The following AKAP6 variants were observed in gnomAD, a reference collection of about 807,000 sequenced individuals.
AKAP6 encodes A-kinase anchoring protein 6, also known as A-kinase anchor protein 6.
AKAP6 carries 58 observed loss-of-function variants against 188.5 expected under a neutral mutation model. The ratio of observed to expected loss-of-function variants is 0.31; its 90% confidence interval spans 0.25 to 0.38. The LOEUF is 0.38. Ranked by LOEUF, AKAP6 falls within the 10% of genes least tolerant of loss-of-function variation. AKAP6 has a pLI of 1.00. For missense variants in AKAP6, 2,710 were observed against 2,740.0 expected (o/e 0.99, Z 0.24); for synonymous variants, 989 against 998.6 (o/e 0.99, Z 0.18).
Position 32,455,088 on chromosome 14 carries a change from C to A in AKAP6, c.324+21271C>A, listed in dbSNP as rs1046768332. Among the ~76,000 whole-genome samples the A allele has an allele frequency of 1.3e-4, 19 of 151,290 alleles. No homozygotes were observed. In the East Asian group the frequency reaches 3.5e-3, roughly 28 times the overall value. On this transcript the variant is annotated intron_variant, in intron 2 of 13. Transcript: ENST00000280979. ...TCAAGCTATCCTCCCACCTCAGCCT[C>A]CTGAGTAGCTGGGACTACAGGTGTG...
intron 3 of AKAP6, among the ~76,000 whole-genome samples, chr14:32,539,567 GA>G (rs1882830863): frequency 6.6e-6 from 1 of 152,158 alleles, no homozygotes; most frequent in African/African-American, 2.4e-5. Flanking sequence ...TTTAGATGTG[GA>G]AGAGGGAGAC....
intron 2 of AKAP6, chr14:32,495,493 C>G (rs1398252563): frequency 6.6e-6 from 1 of 152,168 alleles, no homozygotes; most frequent in African/African-American, 2.4e-5. Flanking sequence ...GAATCTCAAG[C>G]CTCTCTCCTG....
Position 32,829,071 on chromosome 14 carries a change from C to G in AKAP6, c.*43-777C>G, listed in dbSNP as rs558871266. ...TTTGAGAGCTGGTCAGGGGGACTTA[C>G]AATAGTTGCATCCTGCATTGCCTAA... On this transcript the variant is annotated intron_variant, in intron 13 of 13. Coordinates refer to ENST00000280979, the MANE Select transcript of AKAP6 (RefSeq NM_004274.5). 3.0e-4 allele frequency among the ~76,000 whole-genome samples: 45 copies of G among 152,316 alleles called. No homozygotes were observed. In the South Asian group the frequency reaches 9.1e-3, roughly 31 times the overall value.
rs1202228900 is a variant in AKAP6 at position 32,823,556 on chromosome 14, A to G, written c.5743A>G (p.Lys1915Glu). 10 of 1,613,826 alleles carry G rather than the reference A, an allele frequency of 6.2e-6. No individual in the cohort carries two copies. Among genetic ancestry groups the G allele is most frequent in the Non-Finnish European group, 7.6e-6 (9 of 1,179,904 alleles). Residue 1915 changes from lysine to glutamate, a missense_variant, in exon 13 of 14, where the codon AAG becomes GAG. Physicochemically the swap from Lys to Glu is moderately conservative, Grantham distance 56 (BLOSUM62 1). Around this residue, in one of 2 missense-constraint regions of AKAP6, gnomAD observed 2,473 missense variants for 2,426.1 expected, o/e 1.02. Coordinates refer to ENST00000280979, the MANE Select transcript of AKAP6 (RefSeq NM_004274.5). The part of the protein sequence containing the change: ...RQKGKPNVTS[K>E]VSENLGSHGK... The stretch of plus-strand genomic sequence containing the variant: ...AAAGGGAAAACCGAATGTGACTTCA[A>G]AGGTATCAGAAAATCTTGGTTCACA...
intron 7 of AKAP6, among the ~76,000 whole-genome samples, chr14:32,649,023 T>C (rs1423176615): frequency 6.6e-6 from 1 of 152,140 alleles, no homozygotes; most frequent in Non-Finnish European, 1.5e-5. Flanking sequence ...TCAAAATAAT[T>C]AATCAAACAT....
chr14:32,627,031 G>T lies in AKAP6; in HGVS notation c.2730+26239G>T, dbSNP rs138105443. 7.1e-3 allele frequency among the ~76,000 whole-genome samples: 1,078 copies of T among 152,154 alleles called. 9 individuals are homozygous for T. Among genetic ancestry groups the T allele is most frequent in the African/African-American group, 0.024 (991 of 41,548 alleles). ...CCTACATTTGTGGCTTTATGAACAT[G>T]GTTATAGATATAAACATACCTGACA... is the stretch of plus-strand genomic sequence containing the variant. On this transcript the variant is annotated intron_variant, in intron 7 of 13. Transcript: ENST00000280979.
chr14:32,463,310 C>T (rs1020980211), intron 2 of AKAP6, among the ~76,000 whole-genome samples: 3 of 152,156 alleles, frequency 2.0e-5, no homozygotes, highest in African/African-American at 7.2e-5. Flanking sequence ...CTTCTCAGTG[C>T]CACATAGCAC....
chr14:32,703,728 C>G (rs1212449044), intron 9 of AKAP6, among the ~76,000 whole-genome samples: 1 of 152,190 alleles, frequency 6.6e-6, no homozygotes, highest in Admixed American at 6.5e-5. Flanking sequence ...TTGGAATCTA[C>G]TAAGAACTCT....
intron 1 of AKAP6, among the ~76,000 whole-genome samples, chr14:32,379,447 G>A (rs1245873135): frequency 6.6e-6 from 1 of 152,074 alleles, no homozygotes; most frequent in Non-Finnish European, 1.5e-5. Flanking sequence ...TGAGATAGAT[G>A]TATACTTTTA....
intron 11 of AKAP6, among the ~76,000 whole-genome samples, chr14:32,764,287 A>C (rs1419812761): frequency 1.3e-5 from 2 of 152,240 alleles, no homozygotes; most frequent in Admixed American, 1.3e-4. Flanking sequence ...TGAATGAATC[A>C]GTATTTTTCC....
At chr14:32,632,893 A>G (rs1687717050) in intron 7 of AKAP6, among the ~76,000 whole-genome samples, 1 of 152,134 alleles carries the variant, frequency 6.6e-6, no homozygotes, top group Non-Finnish European at 1.5e-5. Flanking sequence ...AAATGTGGTT[A>G]GATTAGTTGA....
chr14:32,525,731 T>G (rs1223372623), intron 2 of AKAP6, among the ~76,000 whole-genome samples: 4 of 152,200 alleles, frequency 2.6e-5, no homozygotes. Context: ...AAATACAATA[T>G]TTTATCCAAT....
chr14:32,567,728 C>G (rs1014051494), intron 4 of AKAP6, among the ~76,000 whole-genome samples: 1 of 152,152 alleles, frequency 6.6e-6, no homozygotes, highest in Admixed American at 6.5e-5. Flanking sequence ...TGCAAGAGTT[C>G]TTACTAATCA....
chr14:32,750,211 A>G (rs2032070911), intron 11 of AKAP6, among the ~76,000 whole-genome samples: 1 of 152,018 alleles, frequency 6.6e-6, no homozygotes, highest in South Asian at 2.1e-4. Flanking sequence ...TTTTTTAATT[A>G]CGTATTTTCT....
intron 12 of AKAP6, among the ~76,000 whole-genome samples, chr14:32,778,831 G>T (rs2033149515): frequency 6.6e-6 from 1 of 150,696 alleles, no homozygotes; most frequent in Non-Finnish European, 1.5e-5. Context: ...ACAGGCATGA[G>T]TCGCCATGCC....
At chr14:32,765,228 C>T (rs531755711) in intron 11 of AKAP6, among the ~76,000 whole-genome samples, 87 of 152,142 alleles carry the variant, frequency 5.7e-4, no homozygotes, top group African/African-American at 9.2e-4. Flanking sequence ...CCACCGCACC[C>T]GGCTTCAAGT....
At chr14:32,802,998 T>C (rs2033990764) in intron 12 of AKAP6, among the ~76,000 whole-genome samples, 1 of 152,140 alleles carries the variant, frequency 6.6e-6, no homozygotes, top group South Asian at 2.1e-4. Context: ...CTCAGGAGAC[T>C]GAGGCAGGTG....
intron 2 of AKAP6, among the ~76,000 whole-genome samples, chr14:32,528,038 C>G (rs1356941476): frequency 6.6e-6 from 1 of 152,086 alleles, no homozygotes; most frequent in Admixed American, 6.5e-5. Flanking sequence ...CCAAGGTAAT[C>G]TAGATTTTCT....
intron 2 of AKAP6, among the ~76,000 whole-genome samples, chr14:32,502,025 C>G (rs1052340932): frequency 6.6e-6 from 1 of 152,028 alleles, no homozygotes; most frequent in African/African-American, 2.4e-5. Context: ...TTTGAGTGGG[C>G]CTTTTCCTTC....
Sources: allele counts gnomAD v4.1 joint callset (sites outside exome capture counted in the v4.1 genomes callset), GRCh38; gene constraint gnomAD v4.1.1; regional missense constraint gnomAD v4.1.1; transcripts MANE v1.5; gene names NCBI Gene and HGNC (gene_info 2026-07-23, HGNC 2026-07-21).